ERG: variants seen among roughly 807,000 people sequenced by gnomAD.
ERG encodes the protein ETS transcription factor ERG.
ERG carries 9 observed loss-of-function variants against 55.3 expected under a neutral mutation model. The ratio of observed to expected loss-of-function variants is 0.16; its 90% CI spans 0.10 to 0.28. The LOEUF (loss-of-function observed/expected upper bound fraction) is 0.28, where lower values mean the gene tolerates loss of function less well. ERG is among the 10% of genes least tolerant of loss of function. The pLI, the probability that ERG is intolerant of heterozygous loss-of-function variation, is 1.00. For synonymous variants in ERG, 223 were observed against 237.3 expected (o/e 0.94, Z 0.55); for missense variants, 434 against 631.6 (o/e 0.69, Z 3.35).
upstream of ERG, chr21:38,498,487 C>A: frequency 1.3e-6 from 2 of 1,498,888 alleles, no homozygotes; most frequent in Admixed American, 2.3e-5. This position sits in a 1 kb window ranked among gnomAD's most constrained non-coding sequence, Gnocchi z 4.6. Flanking sequence ...TGAGATTGTG[C>A]TAAGTCTGGG....
chr21:38,628,004 A>C (rs2060335601), intron 1 of ERG, among the ~76,000 whole-genome samples: 1 of 143,502 alleles, frequency 7.0e-6, no homozygotes, highest in African/African-American at 2.7e-5. Flanking sequence ...TCTGGAGTGC[A>C]GTGGTGTGAT....
chr21:38,526,061 A>C (rs558783743), intron 2 of ERG, among the ~76,000 whole-genome samples: 1 of 152,324 alleles, frequency 6.6e-6, no homozygotes, highest in African/African-American at 2.4e-5. Context: ...GCCTTGAAGA[A>C]GAGAGGGACT....
intron 1 of ERG, among the ~76,000 whole-genome samples, chr21:38,454,580 T>A (rs2058970711): frequency 6.6e-6 from 1 of 152,230 alleles, no homozygotes; most frequent in Non-Finnish European, 1.5e-5. Flanking sequence ...AGCAGCTCTC[T>A]CCCAGGACAG....
downstream of ERG, among the ~76,000 whole-genome samples, chr21:38,376,515 C>T (rs972512260): frequency 1.3e-5 from 2 of 152,238 alleles, no homozygotes; most frequent in African/African-American, 4.8e-5. Flanking sequence ...GCTGGTCTGC[C>T]CACTGCAGGC....
At chr21:38,555,923 T>C (rs2059855650) in intron 2 of ERG, among the ~76,000 whole-genome samples, 1 of 152,222 alleles carries the variant, frequency 6.6e-6, no homozygotes, top group Non-Finnish European at 1.5e-5. Context: ...CAGTTGCATA[T>C]TCTTTGTTCT....
At chr21:38,545,606 C>G (rs2059783115) in intron 2 of ERG, among the ~76,000 whole-genome samples, 2 of 152,224 alleles carry the variant, frequency 1.3e-5, no homozygotes, top group African/African-American at 4.8e-5. Flanking sequence ...TTCAATATCT[C>G]ACTTTCCCTT....
chr21:38,423,084 A>AGTGTGTGTGTGTGTGT (rs71184624), intron 3 of ERG, among the ~76,000 whole-genome samples: 7 of 144,442 alleles, frequency 4.8e-5, no homozygotes, highest in African/African-American at 1.0e-4. Context: ...CTCCATACGT[A>AGTGTGTGTGTGTGTGT]GTGTGTGTGT....
chr21:38,386,510 A>T lies in ERG; in HGVS notation c.920-2587T>A, dbSNP rs192324100. Among the ~76,000 whole-genome samples the T allele has an allele frequency of 2.8e-4, 42 of 152,374 alleles. No homozygotes were observed. In the East Asian group the frequency reaches 5.8e-3, roughly 21 times the overall value. Reference sequence around the variant, plus strand: ...TTAAAAAATTGTCAGTGGTAAAGGAATTATTCTCAGTCATAAAATTTTAAG... The same window carrying T: ...TTAAAAAATTGTCAGTGGTAAAGGATTTATTCTCAGTCATAAAATTTTAAG... On this transcript the variant is annotated intron_variant, in intron 9 of 9. Coordinates refer to ENST00000288319, the MANE Select transcript of ERG (RefSeq NM_182918.4).
intron 1 of ERG, among the ~76,000 whole-genome samples, chr21:38,463,034 T>C (rs2059057718): frequency 6.6e-6 from 1 of 152,192 alleles, no homozygotes; most frequent in Non-Finnish European, 1.5e-5. Context: ...ACAGACTCCC[T>C]GCCTATCTCC....
chr21:38,507,133 A>T (rs999051982), intron 2 of ERG, among the ~76,000 whole-genome samples: 1 of 152,128 alleles, frequency 6.6e-6, no homozygotes, highest in Admixed American at 6.5e-5. Flanking sequence ...CATGCACAAT[A>T]CGAATTGCTA....
At chr21:38,426,092 G>T (rs963226818) in intron 2 of ERG, among the ~76,000 whole-genome samples, 27 of 152,200 alleles carry the variant, frequency 1.8e-4, no homozygotes, top group Non-Finnish European at 3.7e-4. Context: ...CCCTAACATG[G>T]GCCTGGAATG....
intron 2 of ERG, among the ~76,000 whole-genome samples, chr21:38,507,941 ACT>A (rs1170500962): frequency 6.8e-6 from 1 of 147,332 alleles, no homozygotes; most frequent in Non-Finnish European, 1.5e-5. Context: ...CTCCCCCATC[ACT>A]CTCTCTCACA....
At chr21:38,503,346 T>C (rs529894172), upstream of ERG, among the ~76,000 whole-genome samples, 3 of 151,262 alleles carry the variant, frequency 2.0e-5, no homozygotes, top group South Asian at 2.1e-4. Context: ...CTTTTTTAAA[T>C]GTCTACAGCA....
chr21:38,559,492 T>G (rs1030180195), intron 2 of ERG, among the ~76,000 whole-genome samples: 4 of 150,584 alleles, frequency 2.7e-5, no homozygotes, highest in African/African-American at 4.9e-5. Context: ...CCAGCACGAT[T>G]TAGTCATTTA....
intron 1 of ERG, among the ~76,000 whole-genome samples, chr21:38,584,184 C>A (rs536730852): frequency 6.6e-6 from 1 of 152,170 alleles, no homozygotes; most frequent in African/African-American, 2.4e-5. Flanking sequence ...ATACATTCTG[C>A]GGCCTGCATG....
intron 2 of ERG, among the ~76,000 whole-genome samples, chr21:38,444,727 A>G (rs79182161): frequency 6.9e-5 from 2 of 28,944 alleles, no homozygotes; most frequent in Admixed American, 4.2e-4. Flanking sequence ...TAAGAGGAGG[A>G]AAAAAAAAAA....
intron 1 of ERG, among the ~76,000 whole-genome samples, chr21:38,621,466 A>G (rs970364899): frequency 6.6e-6 from 1 of 152,086 alleles, no homozygotes; most frequent in Non-Finnish European, 1.5e-5. Flanking sequence ...CTGCCATGAG[A>G]GCAGCATGCC....
At chr21:38,398,439 C>T (rs1444588399) in intron 6 of ERG, among the ~76,000 whole-genome samples, 1 of 152,180 alleles carries the variant, frequency 6.6e-6, no homozygotes, top group Non-Finnish European at 1.5e-5. Context: ...ATCACAGTAG[C>T]AGTGGTCAAA....
chr21:38,483,708 C>A (rs960945593), intron 1 of ERG, among the ~76,000 whole-genome samples: 4 of 151,776 alleles, frequency 2.6e-5, no homozygotes, highest in South Asian at 4.2e-4. Context: ...AACAAACAAA[C>A]AAAAAATAGC....
Sources: allele counts gnomAD v4.1 joint callset (sites outside exome capture counted in the v4.1 genomes callset), GRCh38; gene constraint gnomAD v4.1.1; non-coding constraint Gnocchi (gnomAD v3.1); transcripts MANE v1.5; gene names NCBI Gene and HGNC (gene_info 2026-07-23, HGNC 2026-07-21).